CA10: variants seen among roughly 807,000 people sequenced by gnomAD.
The protein encoded by CA10 is carbonic anhydrase-related protein 10.
In CA10, 14 loss-of-function variants were observed where a neutral mutation model predicts 44.2. The observed-to-expected ratio is 0.32, with a 90% CI of 0.21 to 0.50. CA10 has a LOEUF of 0.50. Ranked by LOEUF, CA10 falls within the 20% of genes least tolerant of loss-of-function variation. The pLI, the probability that CA10 is intolerant of heterozygous loss-of-function variation, is 0.99. For synonymous variants in CA10, 159 were observed against 141.6 expected (o/e 1.12, Z -0.87); for missense variants, 350 against 409.7 (o/e 0.85, Z 1.26).
At chr17:51,732,714 A>G (rs907463556) in intron 4 of CA10, among the ~76,000 whole-genome samples, 2 of 152,174 alleles carry the variant, frequency 1.3e-5, no homozygotes, top group African/African-American at 2.4e-5. Context: ...GGGAAAACCA[A>G]ATTTCTTCTT....
At chr17:52,069,432 G>A (rs1197072148) in intron 2 of CA10, among the ~76,000 whole-genome samples, 1 of 152,200 alleles carries the variant, frequency 6.6e-6, no homozygotes, top group Non-Finnish European at 1.5e-5. Flanking sequence ...ACAGACTCTA[G>A]TTGTGGGTAA....
At chr17:51,820,530 T>C (rs530346660) in intron 3 of CA10, among the ~76,000 whole-genome samples, 13 of 151,876 alleles carry the variant, frequency 8.6e-5, no homozygotes, top group South Asian at 8.3e-4. Flanking sequence ...ATGAAATCTC[T>C]GACGCACAAA....
intron 2 of CA10, among the ~76,000 whole-genome samples, chr17:51,942,927 T>A (rs1435902367): frequency 1.3e-5 from 2 of 152,028 alleles, no homozygotes; most frequent in Non-Finnish European, 2.9e-5. Context: ...ACTTATTGAG[T>A]GGGTGGATGG....
chr17:51,825,264 C>G (rs900439946), intron 3 of CA10, among the ~76,000 whole-genome samples: 2 of 151,944 alleles, frequency 1.3e-5, no homozygotes, highest in Non-Finnish European at 2.9e-5. Context: ...AAAACTGTGT[C>G]AAAAGCTGAA....
At chr17:51,815,676 T>C (rs1400933455) in intron 3 of CA10, among the ~76,000 whole-genome samples, 1 of 151,988 alleles carries the variant, frequency 6.6e-6, no homozygotes, top group African/African-American at 2.4e-5. Flanking sequence ...GAATCAGGAG[T>C]TCTTAAACTT....
chr17:51,674,234 C>T (rs1182323329), intron 4 of CA10, among the ~76,000 whole-genome samples: 1 of 152,218 alleles, frequency 6.6e-6, no homozygotes, highest in East Asian at 1.9e-4. Context: ...ACCATAAGCA[C>T]TAAATATACT....
intron 3 of CA10, among the ~76,000 whole-genome samples, chr17:51,925,439 A>C (rs1982389102): frequency 6.6e-6 from 1 of 152,010 alleles, no homozygotes; most frequent in South Asian, 2.1e-4. Flanking sequence ...AAAAAAAAAA[A>C]ACAACAAGTT....
chr17:51,679,749 G>C (rs1468317991), intron 4 of CA10, among the ~76,000 whole-genome samples: 1 of 152,060 alleles, frequency 6.6e-6, no homozygotes, highest in Non-Finnish European at 1.5e-5. Context: ...TGAGGGGCTA[G>C]AGTGTGATAA....
intron 1 of CA10, among the ~76,000 whole-genome samples, chr17:52,103,115 G>C (rs1988579270): frequency 1.3e-5 from 2 of 152,146 alleles, no homozygotes; most frequent in Admixed American, 1.3e-4. Context: ...AACGTCACTA[G>C]ATCTTTTGAA....
At position 51,902,937 on chromosome 17, in the gene CA10, G is replaced by A. The variant is rs183104945; in HGVS notation, c.279+28053C>T. ...CGTGAAGGAGACATAATGAAGTGTCGTGGCTCTCAGAAGAGGGACACGCTG... is the reference window on the plus strand; with the variant it reads ...CGTGAAGGAGACATAATGAAGTGTCATGGCTCTCAGAAGAGGGACACGCTG... On this transcript the variant is annotated intron_variant, in intron 3 of 8. Coordinates refer to ENST00000451037, the MANE Select transcript of CA10 (RefSeq NM_020178.5). Among the ~76,000 whole-genome samples the A allele has an allele frequency of 1.8e-4, 28 of 152,234 alleles. No homozygotes were observed. In the East Asian group the frequency reaches 4.1e-3, roughly 22 times the overall value.
At chr17:51,941,153 G>A (rs1983062636) in intron 2 of CA10, among the ~76,000 whole-genome samples, 1 of 152,046 alleles carries the variant, frequency 6.6e-6, no homozygotes, top group Admixed American at 6.6e-5. Flanking sequence ...CTGGTGATTT[G>A]AACCCAGGTC....
chr17:51,950,916 G>A lies in CA10; in HGVS notation c.137-19784C>T, dbSNP rs111459954. ...CTATGTGCTTAGCTCCTAGGATAGTGCACAGCATTTAGTAGGCACCCAGGT... is the reference window on the plus strand; with the variant it reads ...CTATGTGCTTAGCTCCTAGGATAGTACACAGCATTTAGTAGGCACCCAGGT... On this transcript the variant is annotated intron_variant, in intron 2 of 8. Coordinates refer to ENST00000451037, the MANE Select transcript of CA10 (RefSeq NM_020178.5). 5.3e-3 allele frequency among the ~76,000 whole-genome samples: 808 copies of A among 152,180 alleles called. 5 individuals are homozygous for A. The highest frequency in any genetic ancestry group is 0.019 in the African/African-American group (769 of 41,516).
At chr17:51,815,215 A>G (rs939221061) in intron 3 of CA10, among the ~76,000 whole-genome samples, 1 of 152,126 alleles carries the variant, frequency 6.6e-6, no homozygotes, top group Non-Finnish European at 1.5e-5. Context: ...ATGATGATGA[A>G]TGCCCTATGG....
intron 3 of CA10, among the ~76,000 whole-genome samples, chr17:51,802,168 C>A (rs1906957031): frequency 6.6e-6 from 1 of 152,150 alleles, no homozygotes; most frequent in Admixed American, 6.6e-5. Context: ...TTAGCTAGGG[C>A]TTGGGGTAGA....
chr17:51,638,136 G>A (rs1170777762), intron 6 of CA10, among the ~76,000 whole-genome samples: 1 of 152,162 alleles, frequency 6.6e-6, no homozygotes, highest in South Asian at 2.1e-4. Flanking sequence ...CTTTGCCAAG[G>A]GAACTTGAAT....
intron 3 of CA10, among the ~76,000 whole-genome samples, chr17:51,781,188 C>A (rs117018391): frequency 2.0e-5 from 3 of 152,298 alleles, no homozygotes; most frequent in Non-Finnish European, 4.4e-5. Context: ...AGTCATTTAT[C>A]ATCTCTGAGC....
At chr17:51,952,475 A>T (rs1448965470) in intron 2 of CA10, among the ~76,000 whole-genome samples, 1 of 152,044 alleles carries the variant, frequency 6.6e-6, no homozygotes, top group African/African-American at 2.4e-5. Flanking sequence ...TGAGCCCAGG[A>T]GTTCAAGCGT....
At chr17:51,772,947 G>C (rs1373430131) in intron 3 of CA10, among the ~76,000 whole-genome samples, 1 of 152,118 alleles carries the variant, frequency 6.6e-6, no homozygotes, top group African/African-American at 2.4e-5. Flanking sequence ...AGAGCACTTA[G>C]CATCTCTGTA....
intron 4 of CA10, among the ~76,000 whole-genome samples, chr17:51,733,015 G>A (rs1385648232): frequency 6.6e-6 from 1 of 151,920 alleles, no homozygotes; most frequent in Admixed American, 6.6e-5. Context: ...ATATCCCAAA[G>A]GTATTCTAGT....
Sources: gnomAD v4.1 joint callset for allele counts (sites outside exome capture counted in the v4.1 genomes callset) on GRCh38, gnomAD v4.1.1 for gene constraint, MANE v1.5 for transcripts, NCBI Gene and HGNC (gene_info 2026-07-23, HGNC 2026-07-21) for gene names.